UVRAG: variants seen among roughly 807,000 people sequenced by gnomAD.
The protein encoded by UVRAG is UV radiation resistance-associated gene protein.
A neutral mutation model predicts 78.0 loss-of-function variants in UVRAG; 19 were observed. The ratio of observed to expected loss-of-function variants is 0.24; its 90% confidence interval spans 0.17 to 0.36. UVRAG has a LOEUF of 0.36. Ranked by LOEUF, UVRAG falls within the 10% of genes least tolerant of loss-of-function variation. UVRAG has a pLI of 1.00. For synonymous variants in UVRAG, 323 were observed against 324.6 expected, an observed-to-expected ratio of 1.00 and a Z score of 0.05; for missense variants, 740 against 853.8, an observed-to-expected ratio of 0.87 and a Z score of 1.66.
At chr11:76,037,339 A>G (rs1035936483) in intron 12 of UVRAG, among the ~76,000 whole-genome samples, 23 of 152,116 alleles carry the variant, frequency 1.5e-4, no homozygotes, top group African/African-American at 5.6e-4. Context: ...TATCATTTCA[A>G]TAGATACAAA....
chr11:76,104,817 A>C (rs1951942394), intron 13 of UVRAG, among the ~76,000 whole-genome samples: 1 of 152,188 alleles, frequency 6.6e-6, no homozygotes, highest in Admixed American at 6.6e-5. Context: ...TATGTTTCTT[A>C]TGTAATCCAA....
chr11:75,824,455 A>G (rs182416828), intron 1 of UVRAG, among the ~76,000 whole-genome samples: 4 of 151,854 alleles, frequency 2.6e-5, no homozygotes, highest in East Asian at 3.9e-4. Flanking sequence ...ATGTCTCTAC[A>G]GGATCACAAT....
chr11:75,977,181 G>C (rs1949262044), intron 7 of UVRAG, among the ~76,000 whole-genome samples: 1 of 152,170 alleles, frequency 6.6e-6, no homozygotes, highest in Non-Finnish European at 1.5e-5. Flanking sequence ...GAGCGGTTTT[G>C]AGTGAGTTTC....
intron 13 of UVRAG, among the ~76,000 whole-genome samples, chr11:76,098,027 C>T (rs943315038): frequency 3.3e-5 from 5 of 151,750 alleles, no homozygotes; most frequent in African/African-American, 1.2e-4. Context: ...TGGATCTTAT[C>T]GTTCATCTCG....
At chr11:76,116,159 A>G (rs990623722) in intron 14 of UVRAG, 144 bp downstream of exon 14, 19 of 790,812 alleles carry the variant, frequency 2.4e-5, no homozygotes, top group Non-Finnish European at 3.4e-5. Flanking sequence ...GCGCCATCAC[A>G]GTTGGGGAGA....
chr11:76,086,837 G>T (rs1951596846), intron 13 of UVRAG, among the ~76,000 whole-genome samples: 1 of 152,316 alleles, frequency 6.6e-6, no homozygotes, highest in South Asian at 2.1e-4. Flanking sequence ...CAAGGCTGTG[G>T]ATCTAGCAGC....
At chr11:75,917,996 A>C (rs2135052882) in intron 6 of UVRAG, among the ~76,000 whole-genome samples, 1 of 152,290 alleles carries the variant, frequency 6.6e-6, no homozygotes, top group South Asian at 2.1e-4. Flanking sequence ...CAGGCAGTCT[A>C]GCTCCAGAGG....
At chr11:75,861,512 T>G (rs1946421976) in intron 2 of UVRAG, among the ~76,000 whole-genome samples, 1 of 152,318 alleles carries the variant, frequency 6.6e-6, no homozygotes, top group South Asian at 2.1e-4. Context: ...TAATAATCAC[T>G]AAAGCAAATC....
chr11:75,875,864 C>A (rs374165256), intron 3 of UVRAG, among the ~76,000 whole-genome samples: 1 of 151,916 alleles, frequency 6.6e-6, no homozygotes, highest in Non-Finnish European at 1.5e-5. Flanking sequence ...TGAATTATGT[C>A]CTTGCTTCCT....
At chr11:76,015,041 T>C (rs1483697219) in intron 11 of UVRAG, among the ~76,000 whole-genome samples, 1 of 152,218 alleles carries the variant, frequency 6.6e-6, no homozygotes, top group Non-Finnish European at 1.5e-5. Context: ...GGGTTTGTTT[T>C]AGAGAACAGA....
chr11:75,875,198 T>G (rs73491770), intron 3 of UVRAG, among the ~76,000 whole-genome samples: 4,822 of 152,328 alleles, frequency 0.032, 259 homozygotes, highest in African/African-American at 0.11. Flanking sequence ...CTCTTATAGG[T>G]ACCATTTATT....
At chr11:76,050,312 G>T (rs115987691) in intron 12 of UVRAG, among the ~76,000 whole-genome samples, 5 of 152,126 alleles carry the variant, frequency 3.3e-5, no homozygotes, top group South Asian at 2.1e-4. Flanking sequence ...GAAATCTTCC[G>T]TATTGATTCC....
chr11:75,901,214 A>T (rs575423677), intron 5 of UVRAG, among the ~76,000 whole-genome samples: 18 of 152,332 alleles, frequency 1.2e-4, no homozygotes, highest in South Asian at 2.1e-4. Flanking sequence ...CTGTATTTTT[A>T]AAAAAGTATA....
At chr11:76,087,829 ATACT>A (rs1951617625) in intron 13 of UVRAG, among the ~76,000 whole-genome samples, 1 of 152,130 alleles carries the variant, frequency 6.6e-6, no homozygotes, top group East Asian at 1.9e-4. Flanking sequence ...CTGAACCCTG[ATACT>A]ACTTGGCATT....
intron 12 of UVRAG, among the ~76,000 whole-genome samples, chr11:76,032,132 TA>T (rs1950448666): frequency 6.6e-6 from 1 of 152,122 alleles, no homozygotes; most frequent in South Asian, 2.1e-4. Flanking sequence ...AAGGAAAGAG[TA>T]AAAATTATTT....
Position 76,075,611 on chromosome 11 carries a change from C to CAAA in UVRAG, c.1305+9835_1305+9837dup, listed in dbSNP as rs879475858. On this transcript the variant is annotated intron_variant, in intron 13 of 14. Transcript: ENST00000356136. ...TAGGCAATAGAACAAGACTGTGTCT[C>CAAA]AAAAAAAAAAAAAAGTATATAGTTC... Among the ~76,000 whole-genome samples the CAAA allele has an allele frequency of 6.7e-3, 893 of 134,126 alleles. 14 individuals carry two copies. The highest frequency in any genetic ancestry group is 0.023 in the African/African-American group (853 of 36,710). 88.0% of individuals were successfully genotyped at this position (134,126 alleles called of 152,430 possible).
At chr11:75,971,919 G>A (rs1269666166) in intron 7 of UVRAG, among the ~76,000 whole-genome samples, 1 of 152,116 alleles carries the variant, frequency 6.6e-6, no homozygotes, top group Non-Finnish European at 1.5e-5. Context: ...TCGAACTCCT[G>A]ACCTCAGCTA....
At chr11:76,127,423 G>A (rs1952425048) in intron 14 of UVRAG, among the ~76,000 whole-genome samples, 1 of 152,142 alleles carries the variant, frequency 6.6e-6, no homozygotes, top group Non-Finnish European at 1.5e-5. Flanking sequence ...GGAGGCCGAG[G>A]TGGGTGGATC....
At chr11:75,974,002 G>A (rs1949179184) in intron 7 of UVRAG, among the ~76,000 whole-genome samples, 1 of 152,134 alleles carries the variant, frequency 6.6e-6, no homozygotes, top group African/African-American at 2.4e-5. Context: ...TGTGAATAGT[G>A]CCGCAATAAA....
Sources: gnomAD v4.1 joint callset for allele counts (sites outside exome capture counted in the v4.1 genomes callset) on GRCh38, gnomAD v4.1.1 for gene constraint, MANE v1.5 for transcripts, NCBI Gene and HGNC (gene_info 2026-07-23, HGNC 2026-07-21) for gene names.